Variants in PCDH15 observed in about 807,000 individuals in gnomAD.
PCDH15 encodes the protein protocadherin related 15.
PCDH15 carries 129 observed loss-of-function variants against 178.5 expected under a neutral mutation model. The observed-to-expected ratio is 0.72, with a 90% CI of 0.63 to 0.84. The LOEUF (loss-of-function observed/expected upper bound fraction) is 0.84, where lower values mean the gene tolerates loss of function less well. PCDH15 is among the 40% of genes least tolerant of loss of function. PCDH15 has a pLI of 0.00. For missense variants in PCDH15, 2,230 were observed against 2,099.9 expected (o/e 1.06, Z -1.21); for synonymous variants, 800 against 732.0 (o/e 1.09, Z -1.50).
intron 1 of PCDH15, among the ~76,000 whole-genome samples, chr10:54,666,013 A>G (rs147579988): frequency 3.1e-3 from 466 of 152,222 alleles, no homozygotes; most frequent in African/African-American, 0.01. Flanking sequence ...GAAATTAAAT[A>G]GCATCTTTGT....
chr10:54,753,958 G>A (rs1423561393), intron 1 of PCDH15, among the ~76,000 whole-genome samples: 1 of 139,758 alleles, frequency 7.2e-6, no homozygotes, highest in Non-Finnish European at 1.5e-5. Context: ...CAGTGGCGCC[G>A]CCACCACGGC....
At chr10:54,652,200 C>G (rs2094278581) in intron 2 of PCDH15, among the ~76,000 whole-genome samples, 1 of 152,182 alleles carries the variant, frequency 6.6e-6, no homozygotes, top group African/African-American at 2.4e-5. Context: ...CTGCTACTTT[C>G]AGGACCTTTC....
intron 2 of PCDH15, among the ~76,000 whole-genome samples, chr10:55,442,068 G>T (rs1839200474): frequency 6.6e-6 from 1 of 152,050 alleles, no homozygotes. Flanking sequence ...TGGCATTCTG[G>T]CCCCAAAAAT....
chr10:53,994,269 G>A (rs983781320), intron 21 of PCDH15, among the ~76,000 whole-genome samples: 5 of 152,168 alleles, frequency 3.3e-5, no homozygotes, highest in African/African-American at 7.2e-5. Flanking sequence ...AAAATAGCGC[G>A]ACTTTTAATC....
chr10:54,839,143 A>T (rs1371160817), intron 3 of PCDH15, among the ~76,000 whole-genome samples: 1 of 152,194 alleles, frequency 6.6e-6, no homozygotes, highest in Non-Finnish European at 1.5e-5. Context: ...GGCAAACATG[A>T]TACCACCAAT....
At chr10:54,551,302 A>G (rs1164045698) in intron 2 of PCDH15, among the ~76,000 whole-genome samples, 1 of 152,104 alleles carries the variant, frequency 6.6e-6, no homozygotes, top group East Asian at 1.9e-4. Context: ...GAATCAAGAC[A>G]TTTATATCGC....
chr10:54,497,017 C>A (rs369501884), intron 3 of PCDH15, among the ~76,000 whole-genome samples: 1 of 152,166 alleles, frequency 6.6e-6, no homozygotes, highest in African/African-American at 2.4e-5. Context: ...GACCATAGTG[C>A]TTTTGTTGGC....
chr10:54,216,046 A>G (rs1157211268), intron 9 of PCDH15, among the ~76,000 whole-genome samples: 11 of 102,434 alleles, frequency 1.1e-4, no homozygotes, highest in African/African-American at 3.7e-4. Context: ...CCGTCTCAGA[A>G]AAAAAAAAAA....
chr10:54,839,213 A>G (rs759701400), intron 3 of PCDH15, among the ~76,000 whole-genome samples: 3 of 152,174 alleles, frequency 2.0e-5, no homozygotes, highest in Non-Finnish European at 4.4e-5. Context: ...GAACTTTCCA[A>G]CAAAGAGTTC....
chr10:54,034,338 C>T (rs906697894), intron 18 of PCDH15, among the ~76,000 whole-genome samples: 1 of 151,864 alleles, frequency 6.6e-6, no homozygotes, highest in Non-Finnish European at 1.5e-5. Context: ...ACCTTGATAA[C>T]ATCACAGGGA....
At chr10:55,217,473 G>A (rs1345713213) in intron 1 of PCDH15, among the ~76,000 whole-genome samples, 3 of 151,546 alleles carry the variant, frequency 2.0e-5, no homozygotes, top group Non-Finnish European at 1.5e-5. Context: ...ACTGTTAAAC[G>A]TTTTAAAAAT....
intron 32 of PCDH15, chr10:53,823,390 G>A (rs745620124): frequency 3.1e-6 from 5 of 1,588,914 alleles, no homozygotes; most frequent in South Asian, 1.1e-5. Flanking sequence ...GAAATGTAAG[G>A]AAACAAGTTG....
chr10:54,610,850 G>A (rs1283315008), intron 2 of PCDH15, among the ~76,000 whole-genome samples: 2 of 151,224 alleles, frequency 1.3e-5, no homozygotes, highest in African/African-American at 4.9e-5. Flanking sequence ...AATGAAAAAG[G>A]TGTACCCTGG....
chr10:53,897,486 T>C (rs574219254), intron 26 of PCDH15, among the ~76,000 whole-genome samples: 10 of 152,230 alleles, frequency 6.6e-5, no homozygotes, highest in African/African-American at 2.4e-4. Flanking sequence ...ATTCTTTCAA[T>C]AAAAGTGATG....
At chr10:55,402,362 TATTAAG>T (rs879882078) in intron 2 of PCDH15, among the ~76,000 whole-genome samples, 35 of 152,170 alleles carry the variant, frequency 2.3e-4, no homozygotes, top group Admixed American at 1.6e-3. Flanking sequence ...CATTTATTCA[TATTAAG>T]ATTATTTCAA....
rs1235191675 is a variant in PCDH15, at chr10:53,866,657, G to A, written c.3702C>T (p.Gly1234=). The change falls in exon 27 of 38, where the codon GGC becomes GGT. Residue 1234 remains glycine (G), a synonymous_variant. Coordinates refer to ENST00000644397, the MANE Select transcript of PCDH15 (RefSeq NM_001384140.1). ...ATDDYGKGLS[G]KADVLVSVVN... is the part of the protein sequence containing the mutation. The stretch of plus-strand genomic sequence containing the variant: ...ATCTACTTACGAGTACATCGGCTTT[G>A]CCGCTCAGTCCCTTCCCATAGTCGT... 1 of 1,613,448 alleles carries A rather than the reference G, an allele frequency of 6.2e-7. No individual in the cohort carries two copies. The highest frequency in any genetic ancestry group is 8.5e-7 in the Non-Finnish European group (1 of 1,179,560).
At chr10:55,346,656 T>C (rs1844761757) in intron 2 of PCDH15, among the ~76,000 whole-genome samples, 2 of 150,906 alleles carry the variant, frequency 1.3e-5, no homozygotes, top group African/African-American at 4.9e-5. Flanking sequence ...TCATGCAATA[T>C]GCGTTAAACT....
intron 14 of PCDH15, among the ~76,000 whole-genome samples, chr10:54,145,002 G>C (rs1031295891): frequency 2.6e-5 from 4 of 152,042 alleles, no homozygotes; most frequent in African/African-American, 9.7e-5. Flanking sequence ...AATAAAGGAT[G>C]TTACCTTACA....
intron 13 of PCDH15, among the ~76,000 whole-genome samples, chr10:54,168,234 G>T (rs2046471175): frequency 6.6e-6 from 1 of 152,018 alleles, no homozygotes; most frequent in South Asian, 2.1e-4. Context: ...CGTAAAATAG[G>T]CAAACGGTCT....
Sources: gnomAD v4.1 joint callset for allele counts (sites outside exome capture counted in the v4.1 genomes callset) on GRCh38, gnomAD v4.1.1 for gene constraint, MANE v1.5 for transcripts, NCBI Gene and HGNC (gene_info 2026-07-23, HGNC 2026-07-21) for gene names.